Variants in DHRSX observed in about 807,000 individuals in gnomAD.
DHRSX encodes polyprenol dehydrogenase.
DHRSX carries 31 observed loss-of-function variants against 34.0 expected under a neutral mutation model. The observed-to-expected ratio is 0.91, with a 90% CI of 0.69 to 1.23. The LOEUF (loss-of-function observed/expected upper bound fraction) is 1.23. Among genes scored for constraint, DHRSX ranks in the 50% most tolerant of loss-of-function variants. The pLI is 0.00. For missense variants in DHRSX, 414 were observed against 428.1 expected (o/e 0.97, Z 0.29); for synonymous variants, 201 against 183.8 (o/e 1.09, Z -0.76).
chrX:2,386,566 T>C (rs753109570), intron 3 of DHRSX, among the ~76,000 whole-genome samples: 65 of 152,328 alleles, frequency 4.3e-4, no homozygotes, highest in Admixed American at 1.1e-3. Flanking sequence ...GTTCTGACGG[T>C]TGAAATTTCA....
At chrX:2,385,419 A>C (rs1441081614) in intron 3 of DHRSX, among the ~76,000 whole-genome samples, 1 of 151,180 alleles carries the variant, frequency 6.6e-6, no homozygotes, top group Admixed American at 6.5e-5. Flanking sequence ...CGTAATTCTC[A>C]TTCCATAGCC....
chrX:2,306,819 G>A (rs1219915408), intron 3 of DHRSX, among the ~76,000 whole-genome samples: 2 of 152,030 alleles, frequency 1.3e-5, no homozygotes, highest in African/African-American at 4.8e-5. Context: ...ATAAGTTAGG[G>A]AGGAATCCCT....
chrX:2,327,850 G>A (rs1168014115), intron 3 of DHRSX, among the ~76,000 whole-genome samples: 1 of 152,192 alleles, frequency 6.6e-6, no homozygotes, highest in East Asian at 1.9e-4. Context: ...GGAGGCTGAG[G>A]TGGGTGGATC....
At chrX:2,461,033 T>G (rs949695824) in intron 1 of DHRSX, among the ~76,000 whole-genome samples, 1 of 152,176 alleles carries the variant, frequency 6.6e-6, no homozygotes, top group Admixed American at 6.5e-5. Context: ...ATACCATTTT[T>G]GAATCATGAA....
intron 3 of DHRSX, among the ~76,000 whole-genome samples, chrX:2,376,995 C>G (rs1222007839): frequency 6.9e-6 from 1 of 144,472 alleles, no homozygotes; most frequent in Admixed American, 7.0e-5. Context: ...AACTCTATCT[C>G]AAAAAAAAAA....
chrX:2,240,649 G>A, intron 6 of DHRSX, among the ~76,000 whole-genome samples: 1 of 152,042 alleles, frequency 6.6e-6, no homozygotes, highest in African/African-American at 2.4e-5. Context: ...AGTTAGAATC[G>A]CTCTTCCGAA....
chrX:2,468,286 T>C (rs763307600), intron 1 of DHRSX, among the ~76,000 whole-genome samples: 76 of 152,124 alleles, frequency 5.0e-4, no homozygotes, highest in African/African-American at 1.7e-3. Context: ...AAGAAGGATG[T>C]GGACCGGGCA....
At chrX:2,242,744 AG>A (rs1208499706) in intron 6 of DHRSX, among the ~76,000 whole-genome samples, 1 of 152,132 alleles carries the variant, frequency 6.6e-6, no homozygotes. Flanking sequence ...CGGTCTAAAA[AG>A]GGGAGGCATG....
At chrX:2,335,224 A>G (rs938578089) in intron 3 of DHRSX, among the ~76,000 whole-genome samples, 5 of 151,408 alleles carry the variant, frequency 3.3e-5, no homozygotes, top group African/African-American at 1.2e-4. Context: ...GCCACAGTTG[A>G]GGACGCACCC....
intron 3 of DHRSX, among the ~76,000 whole-genome samples, chrX:2,403,700 CA>C (rs1251582571): frequency 6.6e-6 from 1 of 151,740 alleles, no homozygotes; most frequent in Non-Finnish European, 1.5e-5. Flanking sequence ...ACTAAAAATA[CA>C]AAAAATTAGC....
intron 3 of DHRSX, among the ~76,000 whole-genome samples, chrX:2,361,317 G>A (rs991640328): frequency 2.0e-5 from 3 of 152,048 alleles, no homozygotes; most frequent in Non-Finnish European, 2.9e-5. Flanking sequence ...ATGTTGGTCA[G>A]GCTAGTCTCA....
chrX:2,293,957 C>G (rs755071234), intron 3 of DHRSX, among the ~76,000 whole-genome samples: 33 of 151,914 alleles, frequency 2.2e-4, no homozygotes, highest in Non-Finnish European at 3.7e-4. Flanking sequence ...GAATGCTCAT[C>G]ATCATTCCAA....
At chrX:2,259,142 G>A (rs1270445486) in intron 5 of DHRSX, among the ~76,000 whole-genome samples, 8 of 151,936 alleles carry the variant, frequency 5.3e-5, no homozygotes, top group Non-Finnish European at 8.8e-5. Flanking sequence ...GCGTGATGGC[G>A]CATGCCTGTA....
At chrX:2,269,104 C>T (rs149917337) in intron 4 of DHRSX, among the ~76,000 whole-genome samples, 5,805 of 152,204 alleles carry the variant, frequency 0.038, 292 homozygotes, top group African/African-American at 0.12. Flanking sequence ...TATGCATATG[C>T]ATTTGTATAT....
intron 1 of DHRSX, among the ~76,000 whole-genome samples, chrX:2,453,651 T>C (rs1335667655): frequency 6.6e-6 from 1 of 152,128 alleles, no homozygotes; most frequent in African/African-American, 2.4e-5. Flanking sequence ...AGCCTGGCTA[T>C]AGGGTGAGAC....
At chrX:2,459,645 T>G (rs6641755) in intron 1 of DHRSX, among the ~76,000 whole-genome samples, 6,390 of 151,370 alleles carry the variant, frequency 0.042, 213 homozygotes, top group South Asian at 0.093. Context: ...CAATAAATTT[T>G]CTATAAAAGT....
At chrX:2,229,617 C>A (rs2015818767) in intron 6 of DHRSX, among the ~76,000 whole-genome samples, 1 of 151,740 alleles carries the variant, frequency 6.6e-6, no homozygotes, top group South Asian at 2.1e-4. Context: ...TGTGTGTGTA[C>A]TTGTGGGTAG....
chrX:2,347,278 T>A (rs2042731473), intron 3 of DHRSX, among the ~76,000 whole-genome samples: 1 of 152,180 alleles, frequency 6.6e-6, no homozygotes, highest in African/African-American at 2.4e-5. Context: ...GAAACTCCCC[T>A]TTATAATAAC....
intron 6 of DHRSX, among the ~76,000 whole-genome samples, chrX:2,237,007 A>G (rs150614583): frequency 0.018 from 2,721 of 152,010 alleles, 78 homozygotes; most frequent in African/African-American, 0.061. Flanking sequence ...TGAGTAACAT[A>G]TCGAAACCCC....
Sources: gnomAD v4.1 joint callset for allele counts (sites outside exome capture counted in the v4.1 genomes callset) on GRCh38, gnomAD v4.1.1 for gene constraint, MANE v1.5 for transcripts, NCBI Gene and HGNC (gene_info 2026-07-23, HGNC 2026-07-21) for gene names.